Variants in ARHGAP20 observed in about 807,000 individuals in gnomAD.
The protein encoded by ARHGAP20 is rho GTPase-activating protein 20.
ARHGAP20 carries 34 observed loss-of-function variants against 73.7 expected under a neutral mutation model. The observed-to-expected ratio is 0.46, with a 90% CI of 0.35 to 0.61. The LOEUF is 0.61. Ranked by LOEUF, ARHGAP20 falls within the 20% of genes least tolerant of loss-of-function variation. The probability of loss-of-function intolerance (pLI) is 0.00; values close to 1 mark genes in which losing one functional copy is unlikely to be tolerated. For missense variants in ARHGAP20, 1,314 were observed against 1,420.9 expected (o/e 0.92, Z 1.21); for synonymous variants, 523 against 518.2 (o/e 1.01, Z -0.13).
intron 2 of ARHGAP20, among the ~76,000 whole-genome samples, chr11:110,658,974 C>T (rs1355394194): frequency 6.6e-6 from 1 of 152,158 alleles, no homozygotes; most frequent in Non-Finnish European, 1.5e-5. Flanking sequence ...AGAAAATACC[C>T]TAGGTTCCAA....
rs1413214664 is a variant in ARHGAP20 at position 110,577,347 on chromosome 11, T to A, written c.*2023A>T. 1.6e-6 allele frequency: 2 copies of A among 1,237,450 alleles called. No individual in the cohort carries two copies. The highest frequency in any genetic ancestry group is 2.0e-6 in the Non-Finnish European group (2 of 989,588). The allele number at this position is 1,237,450 out of a possible 1,614,324, so 76.7% of individuals were successfully genotyped here. Reference sequence around the variant, plus strand: ...ACTTTACAGCAATATTAACAAACTATTCACATTAAGAATTACAGGAGTATC... The same window carrying A: ...ACTTTACAGCAATATTAACAAACTAATCACATTAAGAATTACAGGAGTATC... On this transcript the variant is annotated 3_prime_UTR_variant, in exon 15 of 15. Transcript: ENST00000683387.
chr11:110,686,667 T>C (rs985836693), intron 2 of ARHGAP20, among the ~76,000 whole-genome samples: 1 of 152,116 alleles, frequency 6.6e-6, no homozygotes, highest in Non-Finnish European at 1.5e-5. Context: ...TTATATTCTA[T>C]ACTTAAAAAT....
chr11:110,589,737 G>T, intron 11 of ARHGAP20: 1 of 974,660 alleles, frequency 1.0e-6, no homozygotes, highest in Non-Finnish European at 1.2e-6. Context: ...AGTAACAATG[G>T]GTAAAGTGTA....
intron 2 of ARHGAP20, among the ~76,000 whole-genome samples, chr11:110,632,742 C>G (rs903410331): frequency 6.6e-6 from 1 of 152,138 alleles, no homozygotes; most frequent in Non-Finnish European, 1.5e-5. Flanking sequence ...CTGCTAATTT[C>G]TTTCACGTTC....
chr11:110,627,815 T>C (rs967662796), intron 3 of ARHGAP20, among the ~76,000 whole-genome samples: 2 of 152,216 alleles, frequency 1.3e-5, no homozygotes, highest in African/African-American at 4.8e-5. Context: ...TTCTAAATAA[T>C]GTTTGTAAAA....
chr11:110,665,204 A>T (rs1044876099), intron 2 of ARHGAP20, among the ~76,000 whole-genome samples: 1 of 152,214 alleles, frequency 6.6e-6, no homozygotes, highest in Non-Finnish European at 1.5e-5. Context: ...AAATGCAGCT[A>T]AAACAGTGTT....
chr11:110,597,792 T>C (rs914667170), intron 9 of ARHGAP20, among the ~76,000 whole-genome samples: 1 of 152,226 alleles, frequency 6.6e-6, no homozygotes, highest in Non-Finnish European at 1.5e-5. Context: ...TTATTATATA[T>C]ACACACGGCA....
At position 110,690,584 on chromosome 11, in the gene ARHGAP20, T is replaced by A; in HGVS notation, c.151A>T (p.Ile51Phe). The A allele has an allele frequency of 6.2e-7, 1 of 1,614,096 alleles. No homozygotes were observed. The highest frequency in any genetic ancestry group is 8.5e-7 in the Non-Finnish European group (1 of 1,179,972). Residue 51 changes from isoleucine to phenylalanine, a missense_variant, in exon 2 of 15, where the codon ATC (isoleucine) becomes TTC (phenylalanine). Ile to Phe is a conservative substitution (Grantham distance 21). This residue lies in a region of ARHGAP20 where 443 missense variants were observed against 466.4 expected (regional missense o/e 0.95). Transcript: ENST00000683387. ...CGTTTTTGTAGGGCTTTATCCAGGA[T>A]AAGAGATGGAGCGCTCCTCCTCCTT... is the stretch of plus-strand genomic sequence containing the variant. The part of the protein sequence containing the change: ...AERRRSAPSL[I>F]LDKALQKRPT...
At chr11:110,626,454 C>T (rs1020424487) in intron 3 of ARHGAP20, among the ~76,000 whole-genome samples, 16 of 152,294 alleles carry the variant, frequency 1.1e-4, no homozygotes, top group African/African-American at 3.4e-4. Flanking sequence ...TTACCATATA[C>T]CATTGTTGTA....
At chr11:110,699,943 T>C (rs536397418) in intron 1 of ARHGAP20, among the ~76,000 whole-genome samples, 28 of 152,124 alleles carry the variant, frequency 1.8e-4, no homozygotes, top group African/African-American at 6.3e-4. Context: ...AAGTTGTAAA[T>C]AGGTAACTGA....
In ARHGAP20 at chr11:110,580,848, G is replaced by A; in HGVS notation, c.2098C>T (p.His700Tyr). 6.2e-7 allele frequency: 1 copy of A among 1,613,476 alleles called. No homozygotes were observed. The highest frequency in any genetic ancestry group is 8.5e-7 in the Non-Finnish European group (1 of 1,179,474). Residue 700 changes from histidine to tyrosine, a missense_variant, in exon 15 of 15, where the codon CAC becomes TAC. Coordinates refer to ENST00000683387, the MANE Select transcript of ARHGAP20 (RefSeq NM_001384657.1). ...ATGCTGGGCTCTGAGCAACGCCGGTGTCGCCTCAGGCTTTTTGCAGCATTT... is the reference window on the plus strand; with the variant it reads ...ATGCTGGGCTCTGAGCAACGCCGGTATCGCCTCAGGCTTTTTGCAGCATTT... Reference protein sequence around the residue: ...AANAAKSLRRHRRCSEPSIDY... With the variant: ...AANAAKSLRRYRRCSEPSIDY...
At chr11:110,584,701 C>T (rs766655520) in intron 12 of ARHGAP20, among the ~76,000 whole-genome samples, 1 of 151,958 alleles carries the variant, frequency 6.6e-6, no homozygotes. Context: ...TAAGTTATAA[C>T]TAACTGATAG....
intron 6 of ARHGAP20, among the ~76,000 whole-genome samples, chr11:110,613,146 A>G (rs2134894777): frequency 6.6e-6 from 1 of 152,354 alleles, no homozygotes; most frequent in South Asian, 2.1e-4. Flanking sequence ...TATAGAAAGT[A>G]TATTTTTTCC....
chr11:110,670,376 T>C (rs1565469333), intron 2 of ARHGAP20, among the ~76,000 whole-genome samples: 1 of 151,874 alleles, frequency 6.6e-6, no homozygotes, highest in African/African-American at 2.4e-5. Flanking sequence ...ATTACCAACA[T>C]CAAGAATGAA....
chr11:110,712,475 C>T (rs558603991), upstream of ARHGAP20: 429 of 165,940 alleles, frequency 2.6e-3, no homozygotes, highest in African/African-American at 9.5e-3. Context: ...CCCGCCCCGC[C>T]TCGGGCCCGC....
In ARHGAP20 at chr11:110,581,070, CAAG is replaced by C. The variant is rs1259281574; in HGVS notation, c.1873_1875del (p.Leu625del). 12 of 1,614,078 alleles carry C rather than the reference CAAG, an allele frequency of 7.4e-6. No individual in the cohort carries two copies. Among genetic ancestry groups the C allele is most frequent in the Non-Finnish European group, 9.3e-6 (11 of 1,180,042 alleles). The stretch of plus-strand genomic sequence containing the variant: ...AAAAGGCCTTCCACCTCGGGCTGGT[CAAG>C]ATCATAGTCACTGAGGGTTAAGACA... On this transcript the variant is annotated inframe_deletion, in exon 15 of 15. Coordinates refer to ENST00000683387, the MANE Select transcript of ARHGAP20 (RefSeq NM_001384657.1).
intron 3 of ARHGAP20, 49 bp from the exon 4 acceptor site, chr11:110,624,360 A>G: frequency 1.4e-6 from 2 of 1,427,650 alleles, no homozygotes; most frequent in Non-Finnish European, 1.9e-6. Context: ...TGTTTCTTAA[A>G]TTTTATGGGA....
rs189141220 is a variant in ARHGAP20 at position 110,641,619 on chromosome 11, C to T, written c.189-10827G>A. 3.3e-5 allele frequency among the ~76,000 whole-genome samples: 5 copies of T among 152,052 alleles called. 1 individual carries two copies. Among genetic ancestry groups the T allele is most frequent in the Admixed American group, 6.6e-5 (1 of 15,224 alleles). On this transcript the variant is annotated intron_variant, in intron 2 of 14. Transcript: ENST00000683387. The stretch of plus-strand genomic sequence containing the variant: ...CTGCTTCATTTTGTTTTCTTCCCCC[C>T]CAACCCTCAGAGGCTGTAGTGAGCT...
chr11:110,698,848 A>C (rs1045632867), intron 1 of ARHGAP20, among the ~76,000 whole-genome samples: 2 of 151,748 alleles, frequency 1.3e-5, no homozygotes, highest in Non-Finnish European at 3.0e-5. Flanking sequence ...ATTTTTGTGT[A>C]ACCTTTCAAA....
Sources: allele counts gnomAD v4.1 joint callset (sites outside exome capture counted in the v4.1 genomes callset), GRCh38; gene constraint gnomAD v4.1.1; regional missense constraint gnomAD v4.1.1; transcripts MANE v1.5; gene names NCBI Gene and HGNC (gene_info 2026-07-23, HGNC 2026-07-21).